CNTNAP5: variants seen among roughly 807,000 people sequenced by gnomAD.
CNTNAP5 encodes contactin-associated protein-like 5.
Under a neutral mutation model 150.2 loss-of-function variants are expected in CNTNAP5, and 72 were observed. The observed-to-expected ratio is 0.48, with a 90% CI of 0.40 to 0.58. The LOEUF (loss-of-function observed/expected upper bound fraction) is 0.58. Among genes scored for constraint, CNTNAP5 ranks in the 20% least tolerant of loss-of-function variants. The pLI is 0.00. For synonymous variants in CNTNAP5, 672 were observed against 619.8 expected (o/e 1.08, Z -1.25); for missense variants, 1,636 against 1,626.2 (o/e 1.01, Z -0.10).
chr2:124,859,546 G>A (rs1440885081), intron 19 of CNTNAP5, among the ~76,000 whole-genome samples: 21 of 152,194 alleles, frequency 1.4e-4, no homozygotes, highest in South Asian at 1.2e-3. Context: ...TGACCCAGCC[G>A]TCCCATTACT....
chr2:124,451,016 G>C (rs1460934698), intron 6 of CNTNAP5, among the ~76,000 whole-genome samples: 1 of 99,068 alleles, frequency 1.0e-5, no homozygotes. Flanking sequence ...TAGCAGAATA[G>C]GACCATGTCT....
At chr2:124,462,115 GTCTCC>G (rs1414390672) in intron 6 of CNTNAP5, among the ~76,000 whole-genome samples, 79 of 152,208 alleles carry the variant, frequency 5.2e-4, no homozygotes, top group African/African-American at 1.8e-3. Context: ...AGTTGAAGAA[GTCTCC>G]AATCCCTATT....
chr2:124,784,782 G>T (rs571760725), intron 17 of CNTNAP5, among the ~76,000 whole-genome samples: 1 of 152,248 alleles, frequency 6.6e-6, no homozygotes, highest in East Asian at 1.9e-4. Context: ...TGTGACTCCA[G>T]GCTTTGCCAC....
chr2:124,438,322 C>T (rs1387280492), intron 5 of CNTNAP5, among the ~76,000 whole-genome samples: 11 of 152,142 alleles, frequency 7.2e-5, no homozygotes. Context: ...GCAGTCTGCC[C>T]TCTGCCGAAT....
At chr2:124,657,125 A>G (rs1476337558) in intron 13 of CNTNAP5, among the ~76,000 whole-genome samples, 1 of 152,164 alleles carries the variant, frequency 6.6e-6, no homozygotes, top group East Asian at 1.9e-4. Flanking sequence ...TCCCAATCTC[A>G]TAGTGTGGCC....
chr2:124,196,254 A>G (rs1427453386), intron 1 of CNTNAP5, among the ~76,000 whole-genome samples: 1 of 152,146 alleles, frequency 6.6e-6, no homozygotes, highest in Non-Finnish European at 1.5e-5. Flanking sequence ...AGCATACTAC[A>G]GTGGTTAAAA....
intron 3 of CNTNAP5, among the ~76,000 whole-genome samples, chr2:124,332,081 T>C (rs1455934693): frequency 6.6e-6 from 1 of 151,810 alleles, no homozygotes; most frequent in Non-Finnish European, 1.5e-5. Flanking sequence ...TTTACAACTT[T>C]TTTAAACAGA....
chr2:124,149,151 T>C (rs1221042501), intron 1 of CNTNAP5, among the ~76,000 whole-genome samples: 1 of 152,106 alleles, frequency 6.6e-6, no homozygotes, highest in East Asian at 1.9e-4. Context: ...TAAGTTCTTC[T>C]TCACTTCCAA....
intron 14 of CNTNAP5, among the ~76,000 whole-genome samples, chr2:124,758,457 C>G (rs12711691): frequency 0.98 from 148,259 of 151,514 alleles, 72,606 homozygotes; most frequent in East Asian, 1. Context: ...GTCTGTGTGT[C>G]TGTGTGTAGC....
At chr2:124,866,661 G>C (rs929311628) in intron 20 of CNTNAP5, among the ~76,000 whole-genome samples, 11 of 152,092 alleles carry the variant, frequency 7.2e-5, no homozygotes, top group African/African-American at 2.7e-4. Context: ...CACCCCATGA[G>C]ATCTCAGTGG....
At chr2:124,090,185 A>G (rs979476015) in intron 1 of CNTNAP5, among the ~76,000 whole-genome samples, 3 of 152,240 alleles carry the variant, frequency 2.0e-5, no homozygotes, top group Non-Finnish European at 2.9e-5. Context: ...TAGCAAAGTC[A>G]TATGGCCTAC....
intron 19 of CNTNAP5, among the ~76,000 whole-genome samples, chr2:124,842,830 A>G (rs1682970954): frequency 6.6e-6 from 1 of 152,116 alleles, no homozygotes. Context: ...AGTGGATCTG[A>G]AAATGCTCAG....
In CNTNAP5 at chr2:124,899,056, G is replaced by A. The variant is rs75610123; in HGVS notation, c.3437-3826G>A. 2.4e-3 allele frequency among the ~76,000 whole-genome samples: 357 copies of A among 151,326 alleles called. 16 individuals are homozygous for A. Among genetic ancestry groups the A allele is most frequent in the African/African-American group, 8.3e-3 (337 of 40,820 alleles). On this transcript the variant is annotated intron_variant, in intron 21 of 23. Coordinates refer to ENST00000682447, the MANE Select transcript of CNTNAP5 (RefSeq NM_001367498.1). ...AGTTTTTTCACACCACACACAAATG[G>A]TATATAAGGTGATCCGCCATGTCAC...
chr2:124,363,387 CCTT>C (rs1404578369), intron 3 of CNTNAP5, among the ~76,000 whole-genome samples: 2 of 152,188 alleles, frequency 1.3e-5, no homozygotes, highest in Non-Finnish European at 2.9e-5. Flanking sequence ...GACCAGCCCT[CCTT>C]CTTAACATCT....
intron 13 of CNTNAP5, among the ~76,000 whole-genome samples, chr2:124,648,331 G>A (rs1437743354): frequency 1.3e-5 from 2 of 152,114 alleles, no homozygotes; most frequent in African/African-American, 2.4e-5. Flanking sequence ...AATAGAGCTT[G>A]ATAAGGCACC....
chr2:124,655,313 AG>A (rs1489012921), intron 13 of CNTNAP5, among the ~76,000 whole-genome samples: 1 of 152,092 alleles, frequency 6.6e-6, no homozygotes. Context: ...GTCCCTGCAA[AG>A]GACATGAACT....
chr2:124,907,935 T>C (rs1678572117), intron 22 of CNTNAP5, among the ~76,000 whole-genome samples: 1 of 151,682 alleles, frequency 6.6e-6, no homozygotes, highest in South Asian at 2.1e-4. Context: ...TATTAATGTA[T>C]CATTAGCAAA....
At chr2:124,754,856 A>ATT (rs563809914) in intron 14 of CNTNAP5, among the ~76,000 whole-genome samples, 1 of 146,278 alleles carries the variant, frequency 6.8e-6, no homozygotes, top group African/African-American at 2.5e-5. Context: ...CCCAGCCTAC[A>ATT]TTTTTTTTTT....
intron 23 of CNTNAP5, among the ~76,000 whole-genome samples, chr2:124,911,835 C>T (rs1335196499): frequency 2.6e-5 from 4 of 152,092 alleles, no homozygotes; most frequent in Non-Finnish European, 5.9e-5. Context: ...TCATTTCATA[C>T]AGTTTTCACT....
Sources: gnomAD v4.1 joint callset for allele counts (sites outside exome capture counted in the v4.1 genomes callset) on GRCh38, gnomAD v4.1.1 for gene constraint, MANE v1.5 for transcripts, NCBI Gene and HGNC (gene_info 2026-07-23, HGNC 2026-07-21) for gene names.